The following ZFYVE1 variants were observed in gnomAD, a reference collection of about 807,000 sequenced individuals.
ZFYVE1 encodes zinc finger FYVE domain-containing protein 1.
A neutral mutation model predicts 74.4 loss-of-function variants in ZFYVE1; 30 were observed. The observed-to-expected ratio is 0.40, with a 90% CI of 0.30 to 0.55. The LOEUF is 0.55. Ranked by LOEUF, ZFYVE1 falls within the 20% of genes least tolerant of loss-of-function variation. The pLI, the probability that ZFYVE1 is intolerant of heterozygous loss-of-function variation, is 0.42. For synonymous variants in ZFYVE1, 335 were observed against 385.1 expected (o/e 0.87, Z 1.52); for missense variants, 703 against 1,011.6 (o/e 0.69, Z 4.14).
At position 72,970,154 on chromosome 14, in the gene ZFYVE1, C is replaced by A; in HGVS notation, c.*728G>T. 5.0e-6 allele frequency: 1 copy of A among 200,014 alleles called. No individual in the cohort carries two copies. Among genetic ancestry groups the A allele is most frequent in the Non-Finnish European group, 1.0e-5 (1 of 97,458 alleles). The allele number at this position is 200,014 out of a possible 1,614,324, so 12.4% of individuals were successfully genotyped here. ...GGCTCAGTTCCTTCCTTGCTGTTCC[C>A]TGGGGGACCAGGGACAGCACGGCCC... On this transcript the variant is annotated 3_prime_UTR_variant, in exon 12 of 12. Coordinates refer to ENST00000556143, the MANE Select transcript of ZFYVE1 (RefSeq NM_021260.4).
intron 4 of ZFYVE1, among the ~76,000 whole-genome samples, chr14:72,985,979 T>C (rs12886469): frequency 0.47 from 70,918 of 151,972 alleles, 16,917 homozygotes; most frequent in Middle Eastern, 0.54. Context: ...AGCCTAAGTA[T>C]TGGTTTTCCT....
At chr14:72,976,766 G>T (rs1416579880) in intron 8 of ZFYVE1, among the ~76,000 whole-genome samples, 3 of 146,316 alleles carry the variant, frequency 2.1e-5, no homozygotes, top group African/African-American at 5.1e-5. Flanking sequence ...CTGGGTGACA[G>T]AGCAAGACTC....
Position 72,975,212 on chromosome 14 carries a change from T to C in ZFYVE1, c.1807-253A>G, listed in dbSNP as rs544173485. 2.7e-4 allele frequency: 138 copies of C among 518,548 alleles called. No individual in the cohort carries two copies. The highest frequency in any genetic ancestry group is 2.5e-3 in the African/African-American group (132 of 52,548). 32.1% of individuals were successfully genotyped at this position (518,548 alleles called of 1,614,324 possible). ...CTCTGGGTGCTGTAGCGTTAATGGATCAAGCTGAGGATGACCCTAAATAAC... is the reference window on the plus strand; with the variant it reads ...CTCTGGGTGCTGTAGCGTTAATGGACCAAGCTGAGGATGACCCTAAATAAC... On this transcript the variant is annotated intron_variant, in intron 9 of 11. Transcript: ENST00000556143. This position sits in a 1 kb window ranked among gnomAD's most constrained non-coding sequence, Gnocchi z 4.1.
In ZFYVE1 at chr14:72,975,034, G is replaced by C. The variant is rs1253215322; in HGVS notation, c.1807-75C>G. On this transcript the variant is annotated intron_variant, in intron 9 of 11. Coordinates refer to ENST00000556143, the MANE Select transcript of ZFYVE1 (RefSeq NM_021260.4). The surrounding 1 kb of genome is among the most constrained non-coding windows in gnomAD (Gnocchi z 4.1). ...TCTGCTCAGCTGAGAAAGTCAACAA[G>C]ACCCCGGAGCAAGCAGAAACTAAGG... The C allele has an allele frequency of 6.7e-6, 10 of 1,488,084 alleles. No homozygotes were observed. The highest frequency in any genetic ancestry group is 1.4e-5 in the African/African-American group (1 of 71,808). 92.2% of individuals were successfully genotyped at this position (1,488,084 alleles called of 1,614,324 possible).
intron 8 of ZFYVE1, among the ~76,000 whole-genome samples, chr14:72,977,704 A>G (rs1344010207): frequency 6.6e-6 from 1 of 152,220 alleles, no homozygotes; most frequent in African/African-American, 2.4e-5. Context: ...ATAGATTTTT[A>G]GTTTATTTCA....
chr14:72,980,250 A>G (rs887232815), intron 5 of ZFYVE1, among the ~76,000 whole-genome samples: 3 of 152,222 alleles, frequency 2.0e-5, no homozygotes, highest in African/African-American at 7.2e-5. Context: ...CTCAAAGTGA[A>G]ATGACCATTC....
intron 2 of ZFYVE1, among the ~76,000 whole-genome samples, chr14:73,012,394 G>A (rs1323992735): frequency 6.6e-6 from 1 of 152,142 alleles, no homozygotes; most frequent in Admixed American, 6.5e-5. Context: ...GGCTGAGGCG[G>A]GTGGATCACC....
intron 3 of ZFYVE1, among the ~76,000 whole-genome samples, chr14:72,993,713 A>C (rs1387774061): frequency 6.6e-6 from 1 of 151,598 alleles, no homozygotes; most frequent in Non-Finnish European, 1.5e-5. Context: ...ACAACAACAA[A>C]AATCTTTCAT....
chr14:72,972,073 T>C (rs1249404269), intron 11 of ZFYVE1, among the ~76,000 whole-genome samples: 7 of 152,018 alleles, frequency 4.6e-5, no homozygotes. Flanking sequence ...AATACAAAAA[T>C]TAGCCGGGCG....
chr14:72,992,156 G>A (rs367934821), intron 4 of ZFYVE1, among the ~76,000 whole-genome samples: 4 of 151,980 alleles, frequency 2.6e-5, no homozygotes, highest in South Asian at 4.2e-4. Flanking sequence ...TGATCCACCC[G>A]CCTCGGCCTC....
At chr14:73,025,494 G>A (rs564660939) in intron 1 of ZFYVE1, among the ~76,000 whole-genome samples, 15 of 151,694 alleles carry the variant, frequency 9.9e-5, no homozygotes, top group Middle Eastern at 3.4e-3. Context: ...TCAGGAGTTC[G>A]AGACTACCCT....
rs1893789994 is a variant in ZFYVE1, at chr14:72,998,092, G to A, written c.707C>T (p.Thr236Met). The A allele has an allele frequency of 6.2e-7, 1 of 1,614,070 alleles. No homozygotes were observed. Residue 236 changes from threonine (T) to methionine (M), a missense_variant, in exon 3 of 12, where the codon ACG becomes ATG. Around this residue, in one of 2 missense-constraint regions of ZFYVE1, gnomAD observed 492 missense variants for 790.0 expected, o/e 0.62. Transcript: ENST00000556143. ...DPVHKVAVID[T>M]EGLLGATVNL... ...CACGGTGGCCCCCAGGAGCCCTTCCGTATCGATCACTGCTACTTTGTGAAC... is the reference window on the plus strand; with the variant it reads ...CACGGTGGCCCCCAGGAGCCCTTCCATATCGATCACTGCTACTTTGTGAAC...
chr14:72,994,990 C>T (rs1187893473), intron 3 of ZFYVE1, among the ~76,000 whole-genome samples: 1 of 152,330 alleles, frequency 6.6e-6, no homozygotes, highest in East Asian at 1.9e-4. Flanking sequence ...GAAACTTGGG[C>T]AGCCATAGCA....
chr14:73,023,176 A>ATATATTTTATATATGTTT, intron 2 of ZFYVE1, among the ~76,000 whole-genome samples: 2 of 137,746 alleles, frequency 1.5e-5, no homozygotes, highest in Admixed American at 8.0e-5. Context: ...ATATATATAT[A>ATATATTTTATATATGTTT]TATATATATA....
intron 11 of ZFYVE1, 133 bp from the exon 12 acceptor site, chr14:72,971,247 A>T (rs1567342387): frequency 6.7e-6 from 6 of 901,652 alleles, no homozygotes; most frequent in Non-Finnish European, 8.3e-6. Context: ...GCTTTTTAAA[A>T]ATGCAGAAGC....
rs1808950271 is a variant in ZFYVE1 at position 72,970,124 on chromosome 14, G to A, written c.*758C>T. 8.4e-6 allele frequency: 2 copies of A among 238,370 alleles called. No individual in the cohort carries two copies. Among genetic ancestry groups the A allele is most frequent in the South Asian group, 6.1e-5 (1 of 16,376 alleles). The allele number at this position is 238,370 out of a possible 1,614,324, so 14.8% of individuals were successfully genotyped here. On this transcript the variant is annotated 3_prime_UTR_variant, in exon 12 of 12. Transcript: ENST00000556143. ...AGCATCGGGACAGGAAGCCCTGCTG[G>A]AGAAGGCTCAGTTCCTTCCTTGCTG... is the stretch of plus-strand genomic sequence containing the variant.
At chr14:73,016,973 C>T (rs1894216028) in intron 2 of ZFYVE1, among the ~76,000 whole-genome samples, 1 of 151,986 alleles carries the variant, frequency 6.6e-6, no homozygotes, top group African/African-American at 2.4e-5. Context: ...GCTGAGTTCA[C>T]CAGCTAAATT....
chr14:73,005,402 C>G (rs1278656269), intron 2 of ZFYVE1, among the ~76,000 whole-genome samples: 1 of 152,200 alleles, frequency 6.6e-6, no homozygotes, highest in Non-Finnish European at 1.5e-5. Context: ...GCTCGGCCAA[C>G]TGGCCACCCC....
chr14:72,997,835 C>A lies in ZFYVE1; in HGVS notation c.964G>T (p.Val322Leu). The change falls in exon 3 of 12, where the codon GTG becomes TTG. Residue 322 changes from valine to leucine, a missense_variant. This residue lies in a region of ZFYVE1 where 492 missense variants were observed against 790.0 expected (regional missense o/e 0.62). Coordinates refer to ENST00000556143, the MANE Select transcript of ZFYVE1 (RefSeq NM_021260.4). ...GPAVIIFHET[V>L]HTQLLGSDHP... Reference sequence around the variant, plus strand: ...CCAGAGCCCAGTAGCTGGGTGTGCACGGTCTCATGGAAGATGATAACTGCA... The same window carrying A: ...CCAGAGCCCAGTAGCTGGGTGTGCAAGGTCTCATGGAAGATGATAACTGCA... 2 of 1,598,416 alleles carry A rather than the reference C, an allele frequency of 1.3e-6. No individual in the cohort carries two copies. The highest frequency in any genetic ancestry group is 1.7e-6 in the Non-Finnish European group (2 of 1,167,722).
Sources: allele counts gnomAD v4.1 joint callset (sites outside exome capture counted in the v4.1 genomes callset), GRCh38; gene constraint gnomAD v4.1.1; regional missense constraint gnomAD v4.1.1; non-coding constraint Gnocchi (gnomAD v3.1); transcripts MANE v1.5; gene names NCBI Gene and HGNC (gene_info 2026-07-23, HGNC 2026-07-21).